Variants in CCDC148 observed in about 807,000 individuals in gnomAD.
The protein encoded by CCDC148 is coiled-coil domain-containing protein 148.
Under a neutral mutation model 85.7 loss-of-function variants are expected in CCDC148, and 89 were observed. The ratio of observed to expected loss-of-function variants is 1.04; its 90% CI spans 0.87 to 1.24. The LOEUF (loss-of-function observed/expected upper bound fraction) is 1.24. Ranked by LOEUF, CCDC148 falls within the 50% of genes most tolerant of loss-of-function variation. The pLI is 0.00. For missense variants in CCDC148, 692 were observed against 671.7 expected (o/e 1.03, Z -0.33); for synonymous variants, 230 against 213.9 (o/e 1.08, Z -0.66).
intron 11 of CCDC148, among the ~76,000 whole-genome samples, chr2:158,183,189 C>T (rs184964611): frequency 6.6e-6 from 1 of 152,080 alleles, no homozygotes; most frequent in Middle Eastern, 3.2e-3. Flanking sequence ...CTGCAGAATC[C>T]GGCACAGCAC....
chr2:158,312,595 A>C lies in CCDC148; in HGVS notation c.903+1161T>G, dbSNP rs1290763181. Among the ~76,000 whole-genome samples, 65 of 150,542 alleles carry C rather than the reference A, an allele frequency of 4.3e-4. No homozygotes were observed. In the East Asian group the frequency reaches 0.01, roughly 23 times the overall value. ...ATCCATCTCAAAAAAAAAAAAAAAAAAACCAAAAAACAAAAAAGTAAATGT... is the reference window on the plus strand; with the variant it reads ...ATCCATCTCAAAAAAAAAAAAAAAACAACCAAAAAACAAAAAAGTAAATGT... On this transcript the variant is annotated intron_variant, in intron 8 of 13. Coordinates refer to ENST00000283233, the MANE Select transcript of CCDC148 (RefSeq NM_138803.4).
intron 9 of CCDC148, among the ~76,000 whole-genome samples, chr2:158,276,728 T>A (rs1689964582): frequency 6.6e-6 from 1 of 152,168 alleles, no homozygotes. Flanking sequence ...CTTTCAGCCA[T>A]TTGAAATTGT....
chr2:158,204,594 G>A (rs1686139587), intron 11 of CCDC148, among the ~76,000 whole-genome samples: 1 of 152,014 alleles, frequency 6.6e-6, no homozygotes, highest in South Asian at 2.1e-4. Context: ...CAGCTTTCTA[G>A]TCATCTCAGC....
Position 158,172,063 on chromosome 2 carries a change from C to T in CCDC148, c.*50G>A. The T allele has an allele frequency of 7.7e-7, 1 of 1,300,414 alleles. No homozygotes were observed. The highest frequency in any genetic ancestry group is 1.1e-6 in the Non-Finnish European group (1 of 934,262). The allele number at this position is 1,300,414 out of a possible 1,614,324, so 80.6% of individuals were successfully genotyped here. On this transcript the variant is annotated 3_prime_UTR_variant, in exon 14 of 14. Transcript: ENST00000283233. ...AGTAGTAATTATTATTATCCATATA[C>T]ATGTTTTCAAAGAAAAATGCTCTTT...
chr2:158,190,747 T>G (rs995843769), intron 11 of CCDC148, among the ~76,000 whole-genome samples: 5 of 152,080 alleles, frequency 3.3e-5, no homozygotes, highest in African/African-American at 1.2e-4. Context: ...TTGGAACCTT[T>G]CTTTAAATTC....
rs779853044 is a variant in CCDC148 at position 158,338,910 on chromosome 2, G to GA, written c.583-4dup. The stretch of plus-strand genomic sequence containing the variant: ...TCTTCCAAAGAATGATCTAGAATCT[G>GA]AAAAAAAGTATATGATTATTTTATT... On this transcript the variant is annotated splice_region_variant and splice_polypyrimidine_tract_variant and intron_variant, in intron 6 of 13. Transcript: ENST00000283233. 10 of 1,597,854 alleles carry GA rather than the reference G, an allele frequency of 6.3e-6. No homozygotes were observed. The highest frequency in any genetic ancestry group is 1.1e-5 in the South Asian group (1 of 87,566).
At chr2:158,355,030 C>G (rs1044074181) in intron 2 of CCDC148, among the ~76,000 whole-genome samples, 2 of 152,186 alleles carry the variant, frequency 1.3e-5, no homozygotes, top group African/African-American at 2.4e-5. Context: ...ATTCAACAAT[C>G]CTTCATGCTA....
At chr2:158,362,499 T>C (rs1276868366) in intron 1 of CCDC148, among the ~76,000 whole-genome samples, 1 of 152,128 alleles carries the variant, frequency 6.6e-6, no homozygotes, top group Non-Finnish European at 1.5e-5. Context: ...AAATTAGAAC[T>C]CAGCATTAAG....
intron 13 of CCDC148, among the ~76,000 whole-genome samples, chr2:158,175,653 T>C (rs956830289): frequency 2.6e-5 from 4 of 152,094 alleles, no homozygotes; most frequent in African/African-American, 9.7e-5. Context: ...CAGAATATAA[T>C]ATATGTTCCA....
At chr2:158,326,895 T>G (rs1469681629) in intron 7 of CCDC148, among the ~76,000 whole-genome samples, 10 of 152,178 alleles carry the variant, frequency 6.6e-5, no homozygotes, top group Admixed American at 6.6e-4. Context: ...TGTTTGCTTT[T>G]TCCTGTTTTA....
Position 158,340,233 on chromosome 2 carries a change from C to T in CCDC148, c.486+9G>A. The T allele has an allele frequency of 6.2e-7, 1 of 1,610,730 alleles. No homozygotes were observed. Among genetic ancestry groups the T allele is most frequent in the Non-Finnish European group, 8.5e-7 (1 of 1,178,298 alleles). ...ATTACATTATGGAAAATAAAGGTAA[C>T]ATACTAACCTCTTCCAATACTTTCA... On this transcript the variant is annotated intron_variant, in intron 5 of 13. Coordinates refer to ENST00000283233, the MANE Select transcript of CCDC148 (RefSeq NM_138803.4).
At chr2:158,354,407 T>A (rs1311136238) in intron 2 of CCDC148, among the ~76,000 whole-genome samples, 1 of 151,890 alleles carries the variant, frequency 6.6e-6, no homozygotes, top group Admixed American at 6.6e-5. Context: ...TCACCACCGA[T>A]CCCACAGAAA....
intron 1 of CCDC148, among the ~76,000 whole-genome samples, chr2:158,406,617 T>TTTTTTCTGTTTTTTTTTTG: frequency 2.5e-5 from 1 of 39,264 alleles, no homozygotes. Flanking sequence ...AAATTTCTTT[T>TTTTTTCTGTTTTTTTTTTG]TTTTTTTTTT....
At chr2:158,265,362 T>A (rs1191628630) in intron 9 of CCDC148, among the ~76,000 whole-genome samples, 2 of 152,160 alleles carry the variant, frequency 1.3e-5, no homozygotes, top group Non-Finnish European at 2.9e-5. Context: ...GTTTTTGTTT[T>A]TTTACATTTA....
chr2:158,433,488 AG>A (rs1294539986), intron 1 of CCDC148, among the ~76,000 whole-genome samples: 3 of 152,198 alleles, frequency 2.0e-5, no homozygotes, highest in African/African-American at 7.2e-5. Context: ...AATTTTAGAA[AG>A]GGTAGGTCTG....
chr2:158,301,982 G>GT (rs1691465771), intron 9 of CCDC148, among the ~76,000 whole-genome samples: 1 of 152,212 alleles, frequency 6.6e-6, no homozygotes, highest in African/African-American at 2.4e-5. Context: ...TCTTTGGATA[G>GT]TCTTTTGACT....
intron 9 of CCDC148, among the ~76,000 whole-genome samples, chr2:158,268,786 T>C (rs1689580632): frequency 6.6e-6 from 1 of 152,222 alleles, no homozygotes; most frequent in African/African-American, 2.4e-5. Flanking sequence ...TCTCTGCTTC[T>C]ATGAGTTCAA....
At chr2:158,176,492 T>C (rs755264643) in intron 13 of CCDC148, 29 bp downstream of exon 13, 53 of 1,604,402 alleles carry the variant, frequency 3.3e-5, no homozygotes, top group Non-Finnish European at 4.5e-5. Context: ...CATGGCTTTT[T>C]CATCAGTCAT....
chr2:158,415,761 T>C (rs1031105100), intron 1 of CCDC148, among the ~76,000 whole-genome samples: 20 of 152,140 alleles, frequency 1.3e-4, no homozygotes, highest in Non-Finnish European at 2.8e-4. Flanking sequence ...GGGCAGTCAC[T>C]AAATCTTAAA....
Sources: allele counts gnomAD v4.1 joint callset (sites outside exome capture counted in the v4.1 genomes callset), GRCh38; gene constraint gnomAD v4.1.1; transcripts MANE v1.5; gene names NCBI Gene and HGNC (gene_info 2026-07-23, HGNC 2026-07-21).